The following LMLN variants were observed in gnomAD, a reference collection of about 807,000 sequenced individuals.
LMLN encodes leishmanolysin like peptidase, also known as leishmanolysin-like peptidase.
LMLN carries 70 observed loss-of-function variants against 92.3 expected under a neutral mutation model. The ratio of observed to expected loss-of-function variants is 0.76; its 90% CI spans 0.63 to 0.92. The LOEUF is 0.92. LMLN is among the 40% of genes least tolerant of loss of function. The probability of loss-of-function intolerance (pLI) is 0.00; values close to 1 mark genes in which losing one functional copy is unlikely to be tolerated. For missense variants in LMLN, 691 were observed against 814.6 expected (o/e 0.85, Z 1.85); for synonymous variants, 308 against 296.2 (o/e 1.04, Z -0.41).
intron 13 of LMLN, among the ~76,000 whole-genome samples, chr3:198,023,180 T>TTTA (rs60913650): frequency 0.24 from 35,798 of 150,212 alleles, 7,040 homozygotes; most frequent in African/African-American, 0.54. Context: ...TGAATTCTGT[T>TTTA]TTATTATTAT....
chr3:197,973,386 C>A (rs575889776), intron 1 of LMLN, among the ~76,000 whole-genome samples: 2 of 151,940 alleles, frequency 1.3e-5, no homozygotes, highest in African/African-American at 4.8e-5. Flanking sequence ...GGACTACAGG[C>A]GCCTGCCACC....
intron 5 of LMLN, among the ~76,000 whole-genome samples, chr3:197,977,161 G>A (rs2109859704): frequency 6.6e-6 from 1 of 152,164 alleles, no homozygotes; most frequent in South Asian, 2.1e-4. Context: ...GCCTATTTAG[G>A]GTATATTTAT....
chr3:197,965,021 A>AAG (rs1553814602), intron 1 of LMLN, among the ~76,000 whole-genome samples: 2 of 151,206 alleles, frequency 1.3e-5, no homozygotes, highest in Non-Finnish European at 3.0e-5. Flanking sequence ...AAAAAAAAAA[A>AAG]AAAGAAAGAA....
At chr3:197,978,683 A>G (rs1176997570) in intron 5 of LMLN, among the ~76,000 whole-genome samples, 2 of 152,168 alleles carry the variant, frequency 1.3e-5, no homozygotes, top group African/African-American at 4.8e-5. Flanking sequence ...GCCTAAGCTA[A>G]GCTAGTGCTT....
chr3:198,042,683 T>C lies in LMLN; in HGVS notation c.*4016T>C, dbSNP rs1723441069. On this transcript the variant is annotated 3_prime_UTR_variant, in exon 16 of 16. Transcript: ENST00000330198. The surrounding 1 kb of genome is among the most constrained non-coding windows in gnomAD (Gnocchi z 4.2). Reference sequence around the variant, plus strand: ...TCTGACTCAAAAAGGGTCAAGTACTTATTAAAAACTATCTTGGTTTTCTGT... The same window carrying C: ...TCTGACTCAAAAAGGGTCAAGTACTCATTAAAAACTATCTTGGTTTTCTGT... 1 of 152,204 alleles carries C rather than the reference T, an allele frequency of 6.6e-6. No homozygotes were observed. The highest frequency in any genetic ancestry group is 6.5e-5 in the Admixed American group (1 of 15,284). 9.4% of individuals were successfully genotyped at this position (152,204 alleles called of 1,614,324 possible).
At position 197,978,534 on chromosome 3, in the gene LMLN, G is replaced by A. The variant is rs116805714; in HGVS notation, c.550-1792G>A. Among the ~76,000 whole-genome samples, 740 of 152,266 alleles carry A rather than the reference G, an allele frequency of 4.9e-3. 7 individuals carry two copies. Among genetic ancestry groups the A allele is most frequent in the African/African-American group, 0.017 (709 of 41,540 alleles). ...CACCTGTGGTCCCAGCCACTTGGGA[G>A]GCTGTGGTGGGAGGATTGCCTGAGC... On this transcript the variant is annotated intron_variant, in intron 5 of 15. Transcript: ENST00000330198.
exon 16 of LMLN, chr3:198,040,225 G>C (rs1303217039): frequency 6.6e-6 from 1 of 152,064 alleles, no homozygotes; most frequent in African/African-American, 2.4e-5. Flanking sequence ...AGCGTCCACT[G>C]TACCACTTTT....
chr3:197,969,087 C>CT lies in LMLN; in HGVS notation c.220-5278dup, dbSNP rs879484358. Among the ~76,000 whole-genome samples, 402 of 144,542 alleles carry CT rather than the reference C, an allele frequency of 2.8e-3. 1 individual carries two copies. Among genetic ancestry groups the CT allele is most frequent in the African/African-American group, 3.5e-3 (139 of 39,826 alleles). 94.8% of individuals were successfully genotyped at this position (144,542 alleles called of 152,430 possible). A position where few individuals can be genotyped will look rare whatever the true frequency, so the allele number is the denominator to read the frequency against. On this transcript the variant is annotated intron_variant, in intron 1 of 15. Transcript: ENST00000330198. ...CATTGGTAGTTTGTATTCTCTCTGT[C>CT]TTTTTTTTTTTTGAGATAGGGTCTC...
chr3:197,965,680 C>A (rs368609137), intron 1 of LMLN, among the ~76,000 whole-genome samples: 2 of 151,988 alleles, frequency 1.3e-5, no homozygotes, highest in Non-Finnish European at 2.9e-5. Flanking sequence ...TTTTGGAGGC[C>A]GGGATGGCAA....
chr3:198,002,925 T>C (rs78011222), intron 11 of LMLN, 90 bp from the exon 12 acceptor site: 9,918 of 721,440 alleles, frequency 0.014, 106 homozygotes, highest in Non-Finnish European at 0.017. Context: ...AAGGTCCTAA[T>C]GTGCTCATTG....
intron 6 of LMLN, among the ~76,000 whole-genome samples, chr3:197,982,403 T>C (rs369394589): frequency 1.2e-4 from 18 of 151,956 alleles, no homozygotes; most frequent in African/African-American, 4.3e-4. Context: ...TTTTTGTATT[T>C]TTAGTAGAGA....
At chr3:197,973,541 T>C (rs1721289147) in intron 1 of LMLN, among the ~76,000 whole-genome samples, 1 of 152,142 alleles carries the variant, frequency 6.6e-6, no homozygotes, top group South Asian at 2.1e-4. Flanking sequence ...TGAGCCACCG[T>C]GTCTGGCCTC....
chr3:198,031,840 A>G lies in LMLN; in HGVS notation c.1657-3993A>G, dbSNP rs1429548416. On this transcript the variant is annotated intron_variant, in intron 14 of 15. Transcript: ENST00000330198. This position sits in a 1 kb window ranked among gnomAD's most constrained non-coding sequence, Gnocchi z 4.8. ...ACTGGAGCCTGGCACAGTGGCTCAC[A>G]CCTGTAATCACAGCACTTTGGGAGC... is the stretch of plus-strand genomic sequence containing the variant. Among the ~76,000 whole-genome samples, 1 of 152,046 alleles carries G rather than the reference A, an allele frequency of 6.6e-6. No homozygotes were observed. The highest frequency in any genetic ancestry group is 1.5e-5 in the Non-Finnish European group (1 of 68,010).
chr3:197,968,303 A>G (rs1024221748), intron 1 of LMLN, among the ~76,000 whole-genome samples: 7 of 151,892 alleles, frequency 4.6e-5, no homozygotes, highest in Non-Finnish European at 1.0e-4. Context: ...CGTCTGTACT[A>G]AAAATAAAAA....
intron 11 of LMLN, among the ~76,000 whole-genome samples, chr3:198,013,704 C>G (rs1400794405): frequency 7.6e-6 from 1 of 131,422 alleles, no homozygotes; most frequent in African/African-American, 3.3e-5. Context: ...AGCCCCCTAA[C>G]TAGTCTGACT....
chr3:197,988,433 A>T (rs1721773736), intron 8 of LMLN, among the ~76,000 whole-genome samples: 1 of 150,434 alleles, frequency 6.6e-6, no homozygotes, highest in African/African-American at 2.4e-5. Context: ...TTCTTTTGTA[A>T]GGTGCATATA....
intron 11 of LMLN, among the ~76,000 whole-genome samples, chr3:198,005,793 C>T (rs546186598): frequency 1.6e-4 from 24 of 152,184 alleles, no homozygotes; most frequent in Non-Finnish European, 3.2e-4. Context: ...CGCCACCACT[C>T]CCGGCTAATT....
intron 1 of LMLN, among the ~76,000 whole-genome samples, chr3:197,961,361 C>T (rs1247065666): frequency 1.3e-5 from 2 of 152,168 alleles, no homozygotes; most frequent in African/African-American, 2.4e-5. Flanking sequence ...GATACACCTA[C>T]ACATGTTCAA....
intron 11 of LMLN, among the ~76,000 whole-genome samples, chr3:198,002,228 G>T (rs1240924470): frequency 1.3e-5 from 2 of 151,970 alleles, no homozygotes; most frequent in Non-Finnish European, 2.9e-5. Context: ...CCTGGGCTGA[G>T]GTGATCCTGC....
Sources: gnomAD v4.1 joint callset for allele counts (sites outside exome capture counted in the v4.1 genomes callset) on GRCh38, gnomAD v4.1.1 for gene constraint, Gnocchi (gnomAD v3.1) non-coding constraint, MANE v1.5 for transcripts, NCBI Gene and HGNC (gene_info 2026-07-23, HGNC 2026-07-21) for gene names.